Variants in ABHD3 observed in about 807,000 individuals in gnomAD.
ABHD3 encodes phospholipase ABHD3.
In ABHD3, 46 loss-of-function variants were observed where a neutral mutation model predicts 48.8. The observed-to-expected ratio is 0.94, with a 90% confidence interval of 0.74 to 1.20. ABHD3 has a LOEUF of 1.20. ABHD3 is among the 50% of genes most tolerant of loss of function. The pLI is 0.00. For synonymous variants in ABHD3, 192 were observed against 183.7 expected, an observed-to-expected ratio of 1.04 and a Z score of -0.36; for missense variants, 490 against 497.8, an observed-to-expected ratio of 0.98 and a Z score of 0.15.
At chr18:21,703,829 G>A (rs1329092061) in intron 1 of ABHD3, 82 bp from the exon 2 acceptor site, 6 of 1,481,694 alleles carry the variant, frequency 4.0e-6, no homozygotes, top group South Asian at 2.4e-5. Flanking sequence ...AAGACTTGTC[G>A]CTCGCGCGCG....
At chr18:21,680,961 C>T (rs1040248249) in intron 4 of ABHD3, among the ~76,000 whole-genome samples, 1 of 151,742 alleles carries the variant, frequency 6.6e-6, no homozygotes, top group Non-Finnish European at 1.5e-5. Flanking sequence ...CTTCTGGGCT[C>T]AAGTGATCCT....
intron 3 of ABHD3, among the ~76,000 whole-genome samples, chr18:21,700,827 C>CAAAAAAAAAAAAAAAAAAA (rs375239917): frequency 7.4e-5 from 7 of 94,376 alleles, no homozygotes; most frequent in African/African-American, 2.1e-4. Flanking sequence ...AAGTTTTAGC[C>CAAAAAAAAAAAAAAAAAAA]AAAAAAAAAA....
Position 21,664,228 on chromosome 18 carries a change from C to T in ABHD3, c.558G>A (p.Thr186=), listed in dbSNP as rs781443913. The T allele has an allele frequency of 6.2e-6, 10 of 1,607,464 alleles. No individual in the cohort carries two copies. The highest frequency in any genetic ancestry group is 2.2e-5 in the South Asian group (2 of 89,182). The change falls in exon 5 of 9, where the codon ACG becomes ACA. Residue 186 remains threonine, a splice_region_variant and synonymous_variant. Coordinates refer to ENST00000289119, the MANE Select transcript of ABHD3 (RefSeq NM_138340.5). ...NRGVAGENLL[T]PRTYCCANTE... is the part of the protein sequence containing the mutation. ...TGTTAGCACAACAATAAGTCCTTGG[C>T]GTCTGGAAGTAGTGACAAGTAAAGC...
chr18:21,702,570 C>T, intron 2 of ABHD3, 72 bp from the exon 3 acceptor site: 1 of 1,269,144 alleles, frequency 7.9e-7, no homozygotes, highest in Non-Finnish European at 1.1e-6. Flanking sequence ...ATTCTAAACA[C>T]ATGACATTAT....
At chr18:21,691,695 T>G (rs181521972) in intron 3 of ABHD3, among the ~76,000 whole-genome samples, 1 of 152,326 alleles carries the variant, frequency 6.6e-6, no homozygotes, top group African/African-American at 2.4e-5. Context: ...TAAAATCTAT[T>G]ATCTGAGTAG....
intron 8 of ABHD3, among the ~76,000 whole-genome samples, chr18:21,653,449 G>C (rs563411026): frequency 1.3e-5 from 2 of 151,716 alleles, no homozygotes; most frequent in South Asian, 4.2e-4. Flanking sequence ...TGTCTGGCCT[G>C]AGTATAACCT....
intron 4 of ABHD3, among the ~76,000 whole-genome samples, chr18:21,671,314 TTC>T (rs1176483151): frequency 6.6e-6 from 1 of 152,162 alleles, no homozygotes; most frequent in Non-Finnish European, 1.5e-5. Flanking sequence ...ATCATCTGTC[TTC>T]TTTCTTCACA....
intron 4 of ABHD3, among the ~76,000 whole-genome samples, chr18:21,680,852 ATGTG>A (rs537497306): frequency 4.1e-4 from 45 of 108,496 alleles, no homozygotes; most frequent in South Asian, 1.4e-3. Flanking sequence ...TCTTTTTCAA[ATGTG>A]TGTGTGTGTG....
Position 21,656,134 on chromosome 18 carries a change from C to T in ABHD3, c.1057+727G>A, listed in dbSNP as rs527840922. On this transcript the variant is annotated intron_variant, in intron 8 of 8. Coordinates refer to ENST00000289119, the MANE Select transcript of ABHD3 (RefSeq NM_138340.5). ...TCGTGCCTTTGCACTCCAGCCTGGG[C>T]GACAGAGCGAAAAAGAAAGCAGGAA... 3.3e-5 allele frequency among the ~76,000 whole-genome samples: 5 copies of T among 152,030 alleles called. 1 individual carries two copies. The highest frequency in any genetic ancestry group is 1.9e-4 in the East Asian group (1 of 5,168).
chr18:21,685,202 C>T (rs1447568623), intron 3 of ABHD3, among the ~76,000 whole-genome samples: 4 of 152,172 alleles, frequency 2.6e-5, no homozygotes, highest in Admixed American at 6.5e-5. Context: ...ATTACCTATT[C>T]AACCAACCAA....
rs759776288 is a variant in ABHD3 at position 21,653,843 on chromosome 18, CT to C, written c.1058-2081del. Among the ~76,000 whole-genome samples, 690 of 137,140 alleles carry C rather than the reference CT, an allele frequency of 5.0e-3. 1 individual carries two copies. The highest frequency in any genetic ancestry group is 0.015 in the Middle Eastern group (4 of 274). 90.0% of individuals were successfully genotyped at this position (137,140 alleles called of 152,430 possible). A position where few individuals can be genotyped will look rare whatever the true frequency, so the allele number is the denominator to read the frequency against. On this transcript the variant is annotated intron_variant, in intron 8 of 8. Transcript: ENST00000289119. Reference sequence around the variant, plus strand: ...CCCAGGAGTTTAAGGCTGCAGTAAACTTTTTTTTTTTTTTTGAGATGGAATT... The same window carrying C: ...CCCAGGAGTTTAAGGCTGCAGTAAACTTTTTTTTTTTTTTGAGATGGAATT...
chr18:21,653,717 C>T (rs76240723), intron 8 of ABHD3, among the ~76,000 whole-genome samples: 2 of 142,508 alleles, frequency 1.4e-5, no homozygotes, highest in Non-Finnish European at 1.5e-5. Flanking sequence ...CGAGACTGAC[C>T]GTGTCTTTAC....
intron 4 of ABHD3, among the ~76,000 whole-genome samples, chr18:21,674,070 G>A (rs1237000683): frequency 2.0e-5 from 3 of 152,098 alleles, no homozygotes; most frequent in Non-Finnish European, 2.9e-5. Flanking sequence ...GGGAAATCCA[G>A]TTCTATATGG....
At chr18:21,666,479 A>G (rs541923396) in intron 4 of ABHD3, among the ~76,000 whole-genome samples, 1 of 151,990 alleles carries the variant, frequency 6.6e-6, no homozygotes, top group Non-Finnish European at 1.5e-5. Flanking sequence ...GGTGTGAGCC[A>G]CCGTGCCCGG....
intron 4 of ABHD3, among the ~76,000 whole-genome samples, chr18:21,676,883 A>C (rs1009651186): frequency 4.3e-4 from 66 of 152,210 alleles, no homozygotes; most frequent in African/African-American, 1.5e-3. Context: ...AAAGCACCTA[A>C]AGGAGGATTT....
intron 2 of ABHD3, 63 bp downstream of exon 2, chr18:21,703,521 G>A: frequency 6.4e-7 from 1 of 1,557,066 alleles, no homozygotes; most frequent in Non-Finnish European, 8.8e-7. Context: ...CTGGGAATAA[G>A]CAAGCAAGCA....
At chr18:21,693,106 T>C (rs2040289633) in intron 3 of ABHD3, among the ~76,000 whole-genome samples, 1 of 152,182 alleles carries the variant, frequency 6.6e-6, no homozygotes, top group African/African-American at 2.4e-5. Context: ...TTCGTATTAA[T>C]AACAGTAAGG....
chr18:21,673,417 C>T (rs138331303), intron 4 of ABHD3, among the ~76,000 whole-genome samples: 2,845 of 151,864 alleles, frequency 0.019, 96 homozygotes, highest in African/African-American at 0.064. Context: ...CCTCAGCCTC[C>T]GAGTAGCTGG....
In ABHD3 at chr18:21,702,506, G is replaced by A; in HGVS notation, c.327-8C>T. On this transcript the variant is annotated splice_polypyrimidine_tract_variant and splice_region_variant and intron_variant, in intron 2 of 8. Transcript: ENST00000289119. ...GCAGTTTTAATAAGTTCACTGAAAGGAATAATTCAGAAGACATTACTATTT... is the reference window on the plus strand; with the variant it reads ...GCAGTTTTAATAAGTTCACTGAAAGAAATAATTCAGAAGACATTACTATTT... 6.4e-7 allele frequency: 1 copy of A among 1,565,752 alleles called. No individual in the cohort carries two copies. The highest frequency in any genetic ancestry group is 8.7e-7 in the Non-Finnish European group (1 of 1,149,984).
Sources: gnomAD v4.1 joint callset for allele counts (sites outside exome capture counted in the v4.1 genomes callset) on GRCh38, gnomAD v4.1.1 for gene constraint, MANE v1.5 for transcripts, NCBI Gene and HGNC (gene_info 2026-07-23, HGNC 2026-07-21) for gene names.